The following ZFHX3 variants were observed in gnomAD, a reference collection of about 807,000 sequenced individuals.
The protein encoded by ZFHX3 is zinc finger homeobox protein 3.
Under a neutral mutation model 279.1 loss-of-function variants are expected in ZFHX3, and 42 were observed. The observed-to-expected ratio is 0.15, with a 90% CI of 0.12 to 0.19. ZFHX3 has a LOEUF of 0.19. Ranked by LOEUF, ZFHX3 falls within the 10% of genes least tolerant of loss-of-function variation. ZFHX3 has a pLI of 1.00. For synonymous variants in ZFHX3, 2,293 were observed against 1,957.8 expected, an observed-to-expected ratio of 1.17 and a Z score of -4.52; for missense variants, 4,981 against 4,754.0, an observed-to-expected ratio of 1.05 and a Z score of -1.40.
chr16:73,734,010 G>A lies in ZFHX3; in HGVS notation c.-1607-53770C>T, dbSNP rs73603656. 4.8e-3 allele frequency among the ~76,000 whole-genome samples: 725 copies of A among 152,172 alleles called. 8 individuals carry two copies. Among genetic ancestry groups the A allele is most frequent in the African/African-American group, 0.016 (678 of 41,520 alleles). On this transcript the variant is annotated intron_variant, in intron 1 of 17. Coordinates refer to the ZFHX3 transcript ENST00000641206. ...GGATTGGGAGGTGGGGGAAGGTTTC[G>A]GTATGAAACTATTCCACCTCAGATC...
At chr16:73,054,684 C>T (rs1273952793) in intron 1 of ZFHX3, among the ~76,000 whole-genome samples, 1 of 151,872 alleles carries the variant, frequency 6.6e-6, no homozygotes, top group Non-Finnish European at 1.5e-5. Context: ...GGAGAAAGAA[C>T]TTGGTGGGGG....
intron 1 of ZFHX3, among the ~76,000 whole-genome samples, chr16:73,780,971 C>G (rs936802717): frequency 1.3e-5 from 2 of 152,090 alleles, no homozygotes; most frequent in Admixed American, 1.3e-4. Flanking sequence ...TACTCAATAA[C>G]AATAATGAAG....
chr16:73,276,511 G>A (rs2014306899), intron 4 of ZFHX3, among the ~76,000 whole-genome samples: 2 of 151,988 alleles, frequency 1.3e-5, no homozygotes, highest in Admixed American at 6.6e-5. Flanking sequence ...TTACAGTATT[G>A]TTACTTACAT....
intron 4 of ZFHX3, among the ~76,000 whole-genome samples, chr16:73,305,138 C>T (rs767460103): frequency 2.0e-5 from 3 of 152,108 alleles, no homozygotes; most frequent in African/African-American, 7.2e-5. Flanking sequence ...CCAAGCTCAC[C>T]TCACAGCAGC....
In ZFHX3 at chr16:73,266,195, C is replaced by G. The variant is rs566765345; in HGVS notation, c.-1193-9059G>C. On this transcript the variant is annotated intron_variant, in intron 4 of 17. Coordinates refer to the ZFHX3 transcript ENST00000641206. ...CAAAGACAATGCTCACCGCCTGTATCCAGTGGGCAGTTGCGACTGGGTTCT... is the reference window on the plus strand; with the variant it reads ...CAAAGACAATGCTCACCGCCTGTATGCAGTGGGCAGTTGCGACTGGGTTCT... Among the ~76,000 whole-genome samples, 37 of 152,326 alleles carry G rather than the reference C, an allele frequency of 2.4e-4. No homozygotes were observed. The South Asian group carries it at 7.7e-3, about 32-fold the overall frequency.
intron 1 of ZFHX3, among the ~76,000 whole-genome samples, chr16:72,962,793 C>T (rs1363640769): frequency 6.6e-6 from 1 of 152,120 alleles, no homozygotes; most frequent in Non-Finnish European, 1.5e-5. Context: ...CTCTTCTGTC[C>T]TTGGTACCTG....
At chr16:73,072,059 G>A (rs1464240269) in intron 8 of ZFHX3, among the ~76,000 whole-genome samples, 1 of 152,222 alleles carries the variant, frequency 6.6e-6, no homozygotes, top group Non-Finnish European at 1.5e-5. Flanking sequence ...TCATTACTTA[G>A]GGGTAAATTC....
intron 1 of ZFHX3, among the ~76,000 whole-genome samples, chr16:73,711,698 G>A (rs1229204192): frequency 1.3e-5 from 2 of 152,294 alleles, no homozygotes; most frequent in East Asian, 1.9e-4. Context: ...AAAAATAAGA[G>A]GCTGATGGAA....
chr16:73,334,659 C>G (rs868156134), intron 3 of ZFHX3, among the ~76,000 whole-genome samples: 1 of 151,940 alleles, frequency 6.6e-6, no homozygotes, highest in Non-Finnish European at 1.5e-5. Flanking sequence ...AAACGAAGAA[C>G]GGAAGCTCAA....
At chr16:72,975,862 C>G (rs1363936231) in intron 1 of ZFHX3, among the ~76,000 whole-genome samples, 1 of 152,148 alleles carries the variant, frequency 6.6e-6, no homozygotes, top group Non-Finnish European at 1.5e-5. Context: ...AGAAGAACCA[C>G]CAAGGCCACG....
At chr16:73,327,197 G>T (rs2015707660) in intron 3 of ZFHX3, among the ~76,000 whole-genome samples, 1 of 152,202 alleles carries the variant, frequency 6.6e-6, no homozygotes, top group African/African-American at 2.4e-5. Flanking sequence ...TGAGTTCTGT[G>T]TATGCTCTAC....
intron 4 of ZFHX3, among the ~76,000 whole-genome samples, chr16:72,832,837 A>G (rs1359743585): frequency 6.6e-6 from 1 of 152,276 alleles, no homozygotes; most frequent in African/African-American, 2.4e-5. Context: ...TATGTCTTCA[A>G]GTGAACTGTC....
chr16:73,219,435 A>G (rs1232632521), intron 5 of ZFHX3, among the ~76,000 whole-genome samples: 3 of 152,220 alleles, frequency 2.0e-5, no homozygotes, highest in Admixed American at 1.3e-4. Context: ...AAATAAAGCA[A>G]GAACTACAGT....
chr16:72,902,558 C>A (rs1304448123), intron 3 of ZFHX3, among the ~76,000 whole-genome samples: 1 of 152,226 alleles, frequency 6.6e-6, no homozygotes, highest in East Asian at 1.9e-4. Flanking sequence ...AATAGATTAA[C>A]AGAAAACAAC....
At chr16:73,750,656 G>A (rs1008141726) in intron 1 of ZFHX3, among the ~76,000 whole-genome samples, 1 of 152,098 alleles carries the variant, frequency 6.6e-6, no homozygotes, top group Admixed American at 6.5e-5. Context: ...AAGCCATGAG[G>A]AGGTAAGGCG....
At chr16:73,201,628 A>G (rs1968269603) in intron 5 of ZFHX3, among the ~76,000 whole-genome samples, 1 of 152,242 alleles carries the variant, frequency 6.6e-6, no homozygotes, top group African/African-American at 2.4e-5. Context: ...CTGCAAAAGC[A>G]TCTTAGACTT....
In ZFHX3 at chr16:73,087,279, T is replaced by G. The variant is rs923883281; in HGVS notation, c.-533+5956A>C. On this transcript the variant is annotated intron_variant, in intron 8 of 17. Transcript: ENST00000641206. ...GTGGGTTTGTGAAGTAAGTCACAGA[T>G]GGCAAACTGTGAGGTTTAACTGGGG... Among the ~76,000 whole-genome samples the G allele has an allele frequency of 1.6e-4, 25 of 152,114 alleles. 1 individual carries two copies.
chr16:73,844,152 T>C (rs950007394), intron 1 of ZFHX3, among the ~76,000 whole-genome samples: 2 of 151,842 alleles, frequency 1.3e-5, no homozygotes, highest in African/African-American at 4.8e-5. Context: ...CTGCAAAGAA[T>C]ACAGAAACAG....
intron 1 of ZFHX3, among the ~76,000 whole-genome samples, chr16:73,869,243 A>G (rs1378494705): frequency 6.6e-6 from 1 of 152,234 alleles, no homozygotes; most frequent in Non-Finnish European, 1.5e-5. Flanking sequence ...TAGAAAAGAC[A>G]GCATTTTAAA....
Sources: allele counts gnomAD v4.1 joint callset (sites outside exome capture counted in the v4.1 genomes callset), GRCh38; gene constraint gnomAD v4.1.1; transcripts MANE v1.5; gene names NCBI Gene and HGNC (gene_info 2026-07-23, HGNC 2026-07-21).